TENM3: variants seen among roughly 807,000 people sequenced by gnomAD.
TENM3 encodes the protein teneurin transmembrane protein 3, also known as teneurin-3.
TENM3 carries 63 observed loss-of-function variants against 255.1 expected under a neutral mutation model. The ratio of observed to expected loss-of-function variants is 0.25; its 90% CI spans 0.20 to 0.30. The LOEUF (loss-of-function observed/expected upper bound fraction) is 0.30, where lower values mean the gene tolerates loss of function less well. Among genes scored for constraint, TENM3 ranks in the 10% least tolerant of loss-of-function variants. The probability of loss-of-function intolerance (pLI) is 1.00; values close to 1 mark genes in which losing one functional copy is unlikely to be tolerated. For synonymous variants in TENM3, 1,306 were observed against 1,322.3 expected, an observed-to-expected ratio of 0.99 and a Z score of 0.27; for missense variants, 2,929 against 3,461.1, an observed-to-expected ratio of 0.85 and a Z score of 3.86.
the TENM3 span, among the ~76,000 whole-genome samples, chr4:181,576,689 A>G: frequency 3.3e-5 from 5 of 152,076 alleles, no homozygotes; most frequent in African/African-American, 1.2e-4. Flanking sequence ...CACCCACAGA[A>G]AACTGTTTTA....
intron 12 of TENM3, among the ~76,000 whole-genome samples, chr4:182,688,688 A>G (rs1756786062): frequency 6.6e-6 from 1 of 152,198 alleles, no homozygotes; most frequent in Non-Finnish European, 1.5e-5. Flanking sequence ...GCATTTCTTA[A>G]TAGCAGATTT....
chr4:181,654,215 C>G, the TENM3 span, among the ~76,000 whole-genome samples: 2 of 147,948 alleles, frequency 1.4e-5, no homozygotes, highest in Non-Finnish European at 3.0e-5. Context: ...TCCTCTGATT[C>G]TCTACTGCCT....
At chr4:182,102,238 G>GT in the TENM3 span, among the ~76,000 whole-genome samples, 1 of 152,186 alleles carries the variant, frequency 6.6e-6, no homozygotes, top group Non-Finnish European at 1.5e-5. Flanking sequence ...GGTTCCAGCA[G>GT]TTTATTTAAA....
intron 3 of TENM3, among the ~76,000 whole-genome samples, chr4:182,388,474 T>C (rs78019064): frequency 0.013 from 1,955 of 152,324 alleles, 19 homozygotes; most frequent in Middle Eastern, 0.037. Flanking sequence ...TCTTGTGAAT[T>C]GTGCTTGAGT....
At chr4:181,582,669 C>CAA in the TENM3 span, among the ~76,000 whole-genome samples, 4 of 124,744 alleles carry the variant, frequency 3.2e-5, no homozygotes, top group Non-Finnish European at 3.3e-5. Context: ...CAAAACAAAT[C>CAA]AAAAAAAAAA....
the TENM3 span, among the ~76,000 whole-genome samples, chr4:181,505,707 G>T: frequency 6.6e-6 from 1 of 152,192 alleles, no homozygotes; most frequent in East Asian, 1.9e-4. Context: ...TAAATTTAAT[G>T]ATCCAAAGAC....
chr4:182,387,003 A>G (rs1010853321), intron 3 of TENM3, among the ~76,000 whole-genome samples: 1 of 152,252 alleles, frequency 6.6e-6, no homozygotes, highest in Admixed American at 6.5e-5. Context: ...GGGTGAAGCC[A>G]GCTGGCCTCC....
At chr4:181,756,911 CAT>C in the TENM3 span, among the ~76,000 whole-genome samples, 3 of 152,274 alleles carry the variant, frequency 2.0e-5, no homozygotes, top group Non-Finnish European at 4.4e-5. Flanking sequence ...CCTATACTCA[CAT>C]AGAGTGCTAA....
the TENM3 span, among the ~76,000 whole-genome samples, chr4:181,484,065 A>C: frequency 1.3e-5 from 2 of 151,992 alleles, no homozygotes; most frequent in Non-Finnish European, 2.9e-5. Context: ...AAACGATCTG[A>C]CTTGTGCTAA....
chr4:182,783,704 A>G, intron 24 of TENM3, among the ~76,000 whole-genome samples: 1 of 144,470 alleles, frequency 6.9e-6, no homozygotes, highest in Admixed American at 6.7e-5. Context: ...AATCAGACGT[A>G]GATACGGTCT....
At chr4:182,513,455 AG>A (rs1390387722) in intron 3 of TENM3, among the ~76,000 whole-genome samples, 1 of 145,108 alleles carries the variant, frequency 6.9e-6, no homozygotes, top group Non-Finnish European at 1.5e-5. Flanking sequence ...AGATGGGAGA[AG>A]AAGCTGGAAA....
intron 3 of TENM3, among the ~76,000 whole-genome samples, chr4:182,354,159 T>A (rs1315068910): frequency 6.6e-6 from 1 of 152,176 alleles, no homozygotes; most frequent in African/African-American, 2.4e-5. Flanking sequence ...ACATGGAAAT[T>A]GCCATTTCTA....
intron 6 of TENM3, among the ~76,000 whole-genome samples, chr4:182,666,703 C>G (rs554271222): frequency 4.5e-4 from 69 of 152,130 alleles, no homozygotes; most frequent in African/African-American, 1.5e-3. Context: ...TTTAGACCAG[C>G]CTAGACGACA....
At chr4:181,812,601 T>C in the TENM3 span, among the ~76,000 whole-genome samples, 1 of 152,172 alleles carries the variant, frequency 6.6e-6, no homozygotes, top group Non-Finnish European at 1.5e-5. Flanking sequence ...GAGTGCCAAT[T>C]TCTCTGCCTT....
the TENM3 span, among the ~76,000 whole-genome samples, chr4:182,069,326 T>G: frequency 6.6e-6 from 1 of 152,218 alleles, no homozygotes; most frequent in Non-Finnish European, 1.5e-5. Context: ...TTATATTACA[T>G]TGTTTTGTAT....
intron 3 of TENM3, among the ~76,000 whole-genome samples, chr4:182,531,930 G>A (rs1410581882): frequency 6.6e-6 from 1 of 152,156 alleles, no homozygotes; most frequent in Non-Finnish European, 1.5e-5. Flanking sequence ...CCGGAAATCT[G>A]GGTTCCCAGA....
At chr4:181,573,733 ATACTT>A in the TENM3 span, among the ~76,000 whole-genome samples, 2 of 152,242 alleles carry the variant, frequency 1.3e-5, no homozygotes, top group African/African-American at 4.8e-5. Context: ...TAGAAAATCA[ATACTT>A]TAATTTTTAA....
the TENM3 span, among the ~76,000 whole-genome samples, chr4:181,652,805 C>T: frequency 6.6e-6 from 1 of 152,164 alleles, no homozygotes; most frequent in African/African-American, 2.4e-5. Context: ...ACCCCCAAAA[C>T]AAACACATGT....
At chr4:181,755,732 C>T in the TENM3 span, among the ~76,000 whole-genome samples, 1 of 152,064 alleles carries the variant, frequency 6.6e-6, no homozygotes, top group African/African-American at 2.4e-5. Flanking sequence ...TAATGCTGCT[C>T]TCCTGCCTTT....
Sources: gnomAD v4.1 joint callset for allele counts (sites outside exome capture counted in the v4.1 genomes callset) on GRCh38, gnomAD v4.1.1 for gene constraint, MANE v1.5 for transcripts, NCBI Gene and HGNC (gene_info 2026-07-23, HGNC 2026-07-21) for gene names.